Variants in POU2AF1 observed in about 807,000 individuals in gnomAD.
POU2AF1 encodes the protein POU domain class 2-associating factor 1.
Under a neutral mutation model 26.3 loss-of-function variants are expected in POU2AF1, and 12 were observed. The observed-to-expected ratio is 0.46, with a 90% CI of 0.29 to 0.74. The LOEUF (loss-of-function observed/expected upper bound fraction) is 0.74. Among genes scored for constraint, POU2AF1 ranks in the 30% least tolerant of loss-of-function variants. POU2AF1 has a pLI of 0.09. For missense variants in POU2AF1, 297 were observed against 334.5 expected (o/e 0.89, Z 0.87); for synonymous variants, 175 against 148.0 (o/e 1.18, Z -1.32).
chr11:111,361,102 C>G (rs1451605853), intron 1 of POU2AF1, among the ~76,000 whole-genome samples: 1 of 152,146 alleles, frequency 6.6e-6, no homozygotes. Flanking sequence ...CAAGAGATCT[C>G]TACTGGTATT....
At position 111,357,645 on chromosome 11, in the gene POU2AF1, C is replaced by T. The variant is rs147874251; in HGVS notation, c.256G>A (p.Gly86Ser). ...AVTEEAALCA[G>S]WLSQPTPATL... is the part of the protein sequence containing the mutation. ...GCCGGGGTGGGCTGGGAGAGCCAGC[C>T]GGCACACAGGGCAGCCTCCTCTGTC... Residue 86 changes from glycine to serine, a missense_variant, in exon 4 of 5, where the codon GGC becomes AGC. Gly to Ser is a moderately conservative substitution (Grantham distance 56). Transcript: ENST00000393067. The T allele has an allele frequency of 5.2e-5, 84 of 1,613,648 alleles. No homozygotes were observed. The African/African-American group carries it at 7.7e-4, about 15-fold the overall frequency.
At chr11:111,374,056 A>G (rs954721066) in intron 1 of POU2AF1, among the ~76,000 whole-genome samples, 1 of 151,964 alleles carries the variant, frequency 6.6e-6, no homozygotes, top group Non-Finnish European at 1.5e-5. Context: ...GCAAATATTT[A>G]TAAGACTTCT....
chr11:111,372,985 G>A (rs1407366538), intron 1 of POU2AF1, among the ~76,000 whole-genome samples: 2 of 152,200 alleles, frequency 1.3e-5, no homozygotes, highest in African/African-American at 4.8e-5. Context: ...GAGGACAAGA[G>A]CCACATGCCA....
At chr11:111,370,408 T>C (rs1157757550) in intron 1 of POU2AF1, among the ~76,000 whole-genome samples, 1 of 152,110 alleles carries the variant, frequency 6.6e-6, no homozygotes, top group Admixed American at 6.5e-5. Context: ...ACCAATGCAA[T>C]ATGTTTCACA....
At chr11:111,358,731 C>T in intron 2 of POU2AF1, 57 bp downstream of exon 2, 2 of 1,526,776 alleles carry the variant, frequency 1.3e-6, no homozygotes, top group Non-Finnish European at 1.8e-6. Flanking sequence ...CTATCCCTGA[C>T]ACACACATTC....
chr11:111,360,761 T>C (rs563125718), intron 1 of POU2AF1, among the ~76,000 whole-genome samples: 67 of 152,132 alleles, frequency 4.4e-4, no homozygotes, highest in Admixed American at 7.8e-4. Flanking sequence ...CTGACCAACA[T>C]GGTGAAAGCC....
At chr11:111,354,617 G>T in intron 4 of POU2AF1, 42 bp from the exon 5 acceptor site, 2 of 1,460,746 alleles carry the variant, frequency 1.4e-6, no homozygotes, top group Non-Finnish European at 1.8e-6. Flanking sequence ...GCAGCCCCAG[G>T]AGACCCATCC....
intron 1 of POU2AF1, among the ~76,000 whole-genome samples, chr11:111,367,490 A>G (rs2135128956): frequency 6.6e-6 from 1 of 152,114 alleles, no homozygotes; most frequent in Non-Finnish European, 1.5e-5. Context: ...AAACGACTAT[A>G]CTTGTAAGTA....
intron 1 of POU2AF1, among the ~76,000 whole-genome samples, chr11:111,369,469 G>A (rs1861167387): frequency 6.6e-6 from 1 of 152,194 alleles, no homozygotes; most frequent in Non-Finnish European, 1.5e-5. Context: ...CACAGCCATG[G>A]CTGAGGCTAT....
At position 111,354,211 on chromosome 11, in the gene POU2AF1, T is replaced by C; in HGVS notation, c.*50A>G. On this transcript the variant is annotated 3_prime_UTR_variant, in exon 5 of 5. Transcript: ENST00000393067. The stretch of plus-strand genomic sequence containing the variant: ...ATGAACCTGGGGCTCAATTCCAGGC[T>C]CATTTTAAAATCCCAGTTTCAGGGA... 1 of 1,587,010 alleles carries C rather than the reference T, an allele frequency of 6.3e-7. No homozygotes were observed. The highest frequency in any genetic ancestry group is 8.6e-7 in the Non-Finnish European group (1 of 1,163,818).
chr11:111,363,127 A>C (rs1487435403), intron 1 of POU2AF1: 1 of 1,009,932 alleles, frequency 9.9e-7, no homozygotes, highest in Admixed American at 6.0e-5. Flanking sequence ...CAGTGTCAAC[A>C]GGTGTGCCCT....
chr11:111,367,410 C>T (rs746473672), intron 1 of POU2AF1, among the ~76,000 whole-genome samples: 12 of 152,136 alleles, frequency 7.9e-5, no homozygotes, highest in Non-Finnish European at 1.8e-4. Context: ...CTCAGTACAA[C>T]GTATTCCTCT....
chr11:111,369,564 G>T (rs114437903), intron 1 of POU2AF1, among the ~76,000 whole-genome samples: 150 of 152,304 alleles, frequency 9.8e-4, no homozygotes, highest in African/African-American at 3.5e-3. Flanking sequence ...GCAAGGGAGG[G>T]CTCTTCAGTG....
chr11:111,368,541 A>G (rs1861147955), intron 1 of POU2AF1, among the ~76,000 whole-genome samples: 1 of 152,154 alleles, frequency 6.6e-6, no homozygotes, highest in South Asian at 2.1e-4. Flanking sequence ...TAAGATCCAA[A>G]TCTGCAGAGG....
intron 2 of POU2AF1, 91 bp from the exon 3 acceptor site, chr11:111,357,928 A>G: frequency 7.6e-7 from 1 of 1,309,306 alleles, no homozygotes; most frequent in Non-Finnish European, 1.0e-6. Flanking sequence ...TCAGGGCAGG[A>G]GAATAGAAGA....
chr11:111,357,944 A>G, intron 2 of POU2AF1, 107 bp from the exon 3 acceptor site: 2 of 1,219,906 alleles, frequency 1.6e-6, no homozygotes, highest in Non-Finnish European at 2.3e-6. Context: ...GAAGATAGGA[A>G]TCTCTCTGGT....
Position 111,374,939 on chromosome 11 carries a change from G to A in POU2AF1, c.16+4223C>T, listed in dbSNP as rs558108053. Among the ~76,000 whole-genome samples the A allele has an allele frequency of 2.2e-4, 33 of 152,202 alleles. 2 individuals carry two copies. Among genetic ancestry groups the A allele is most frequent in the African/African-American group, 7.9e-4 (33 of 41,518 alleles). ...CCCAAACAATATTGGCTCTTTAGTGGAACCCTAGAGTACATCTGAAGAGCA... is the reference window on the plus strand; with the variant it reads ...CCCAAACAATATTGGCTCTTTAGTGAAACCCTAGAGTACATCTGAAGAGCA... On this transcript the variant is annotated intron_variant, in intron 1 of 4. Transcript: ENST00000393067.
At chr11:111,365,453 C>T (rs1452521925) in intron 1 of POU2AF1, among the ~76,000 whole-genome samples, 1 of 151,956 alleles carries the variant, frequency 6.6e-6, no homozygotes, top group African/African-American at 2.4e-5. Context: ...TGTGACACAC[C>T]GTTAATAGTG....
At position 111,379,222 on chromosome 11, in the gene POU2AF1, T is replaced by C. The variant is rs1861373868; in HGVS notation, c.-45A>G. Reference sequence around the variant, plus strand: ...CCTTTTCTCTTTGAAGCCGACAGTTTGGCTTCTTTAATGTGAGACCGGGGT... The same window carrying C: ...CCTTTTCTCTTTGAAGCCGACAGTTCGGCTTCTTTAATGTGAGACCGGGGT... On this transcript the variant is annotated 5_prime_UTR_variant, in exon 1 of 5. Transcript: ENST00000393067. The C allele has an allele frequency of 6.2e-7, 1 of 1,613,526 alleles. No individual in the cohort carries two copies. Among genetic ancestry groups the C allele is most frequent in the Non-Finnish European group, 8.5e-7 (1 of 1,179,448 alleles).
Sources: gnomAD v4.1 joint callset for allele counts (sites outside exome capture counted in the v4.1 genomes callset) on GRCh38, gnomAD v4.1.1 for gene constraint, MANE v1.5 for transcripts, NCBI Gene and HGNC (gene_info 2026-07-23, HGNC 2026-07-21) for gene names.